Variants in RIMKLB observed in about 807,000 individuals in gnomAD.
RIMKLB encodes the protein ribosomal modification protein rimK like family member B.
RIMKLB carries 7 observed loss-of-function variants against 32.0 expected under a neutral mutation model. The ratio of observed to expected loss-of-function variants is 0.22; its 90% confidence interval spans 0.12 to 0.41. The LOEUF is 0.41. Among genes scored for constraint, RIMKLB ranks in the 10% least tolerant of loss-of-function variants. The pLI is 1.00. For missense variants in RIMKLB, 289 were observed against 498.7 expected, an observed-to-expected ratio of 0.58 and a Z score of 4.00; for synonymous variants, 172 against 185.1, an observed-to-expected ratio of 0.93 and a Z score of 0.57.
upstream of RIMKLB, among the ~76,000 whole-genome samples, chr12:8,681,448 T>C (rs1942407132): frequency 6.6e-6 from 1 of 152,244 alleles, no homozygotes; most frequent in Non-Finnish European, 1.5e-5. Flanking sequence ...TGTCTTTTGT[T>C]ATTCACAACA....
the RIMKLB span, among the ~76,000 whole-genome samples, chr12:8,676,435 G>A: frequency 9.9e-6 from 1 of 101,166 alleles, no homozygotes; most frequent in African/African-American, 4.0e-5. Context: ...GTCTTGCTCT[G>A]TTGCCCAGGC....
At chr12:8,769,906 TGACTC>T (rs1016774774) in intron 5 of RIMKLB, among the ~76,000 whole-genome samples, 2 of 152,224 alleles carry the variant, frequency 1.3e-5, no homozygotes, top group Non-Finnish European at 2.9e-5. Flanking sequence ...TCCACTTGAT[TGACTC>T]ATTTATTGAG....
intron 5 of RIMKLB, among the ~76,000 whole-genome samples, chr12:8,760,013 G>A (rs564519960): frequency 6.6e-6 from 1 of 152,138 alleles, no homozygotes; most frequent in Non-Finnish European, 1.5e-5. Context: ...TGTTACATAT[G>A]CATACGTGTG....
the RIMKLB span, among the ~76,000 whole-genome samples, chr12:8,673,172 A>G: frequency 2.0e-5 from 3 of 152,014 alleles, no homozygotes; most frequent in Non-Finnish European, 4.4e-5. Flanking sequence ...CTGAGCCACC[A>G]TGCCTGGCCT....
intron 3 of RIMKLB, 29 bp downstream of exon 3, chr12:8,750,121 T>G: frequency 7.3e-7 from 1 of 1,364,518 alleles, no homozygotes; most frequent in Non-Finnish European, 1.0e-6. Context: ...ATACATAGCC[T>G]GAATATTAAC....
At chr12:8,671,282 C>T in the RIMKLB span, among the ~76,000 whole-genome samples, 1 of 151,502 alleles carries the variant, frequency 6.6e-6, no homozygotes, top group African/African-American at 2.4e-5. Context: ...TGGAATTTCG[C>T]TCTTGTTGCC....
At chr12:8,747,760 T>TC (rs1948228428) in intron 2 of RIMKLB, among the ~76,000 whole-genome samples, 2 of 126,220 alleles carry the variant, frequency 1.6e-5, no homozygotes, top group South Asian at 4.4e-4. Context: ...TCTGGTACAA[T>TC]TTTTTTTTTT....
At chr12:8,687,770 G>A (rs1942617634) in intron 1 of RIMKLB, among the ~76,000 whole-genome samples, 1 of 148,552 alleles carries the variant, frequency 6.7e-6, no homozygotes, top group African/African-American at 2.5e-5. Flanking sequence ...GTTCCAGAAG[G>A]AGAATCTGTT....
the RIMKLB span, among the ~76,000 whole-genome samples, chr12:8,671,764 T>C: frequency 6.6e-6 from 1 of 152,034 alleles, no homozygotes; most frequent in Non-Finnish European, 1.5e-5. Flanking sequence ...AATACAAAAA[T>C]TAGCCAGGTG....
At chr12:8,727,236 T>C (rs1946102666) in intron 2 of RIMKLB, among the ~76,000 whole-genome samples, 1 of 151,410 alleles carries the variant, frequency 6.6e-6, no homozygotes, top group Non-Finnish European at 1.5e-5. Flanking sequence ...GTTGTTGTTG[T>C]TATTATTGTT....
intron 5 of RIMKLB, among the ~76,000 whole-genome samples, chr12:8,765,563 G>A (rs1021526396): frequency 2.6e-5 from 4 of 152,148 alleles, no homozygotes; most frequent in African/African-American, 9.7e-5. Flanking sequence ...ATAGCCATCA[G>A]GGTTATCTGA....
At chr12:8,765,435 C>CT (rs1949874541) in intron 5 of RIMKLB, among the ~76,000 whole-genome samples, 1 of 152,166 alleles carries the variant, frequency 6.6e-6, no homozygotes, top group Non-Finnish European at 1.5e-5. Flanking sequence ...TCACCAAACT[C>CT]TCGGGCTGCA....
the RIMKLB span, among the ~76,000 whole-genome samples, chr12:8,669,304 C>T: frequency 6.6e-6 from 1 of 152,092 alleles, no homozygotes; most frequent in Non-Finnish European, 1.5e-5. Flanking sequence ...ATGGGGAGAA[C>T]ACCAAGCCAT....
intron 5 of RIMKLB, among the ~76,000 whole-genome samples, chr12:8,768,625 G>A (rs1256468388): frequency 2.0e-5 from 3 of 152,160 alleles, no homozygotes; most frequent in African/African-American, 7.2e-5. Context: ...AGTAACATTG[G>A]AATAAAGGAT....
Position 8,773,623 on chromosome 12 carries a change from G to A in RIMKLB, c.1000G>A (p.Gly334Ser). Residue 334 changes from glycine (G) to serine (S), a missense_variant, in exon 6 of 6, where the codon GGT (glycine) becomes AGT (serine). Gly to Ser is a moderately conservative substitution (Grantham distance 56, BLOSUM62 0). This residue lies in a region of RIMKLB where 99 missense variants were observed against 133.9 expected (regional missense o/e 0.74). Transcript: ENST00000535829. ...TASETSEPEL[G>S]PPASTAVDNM... ...CAGTGAGACTAGTGAGCCGGAGCTG[G>A]GTCCCCCAGCCAGCACTGCTGTTGA... 6.2e-7 allele frequency: 1 copy of A among 1,614,232 alleles called. No homozygotes were observed. The highest frequency in any genetic ancestry group is 2.2e-5 in the East Asian group (1 of 44,884).
Position 8,775,111 on chromosome 12 carries a change from T to C in RIMKLB, c.*1327T>C. 1 of 985,810 alleles carries C rather than the reference T, an allele frequency of 1.0e-6. No individual in the cohort carries two copies. Among genetic ancestry groups the C allele is most frequent in the Non-Finnish European group, 1.2e-6 (1 of 829,896 alleles). The allele number at this position is 985,810 out of a possible 1,614,324, so 61.1% of individuals were successfully genotyped here. ...GTGTATATGTACGTTGTTTGTTTTT[T>C]TCCTTTTGTTTCTAGCCTGTTCAGT... On this transcript the variant is annotated 3_prime_UTR_variant, in exon 6 of 6. Coordinates refer to ENST00000535829, the MANE Select transcript of RIMKLB (RefSeq NM_001297776.2).
At chr12:8,682,817 A>G (rs1384981771) in intron 1 of RIMKLB, among the ~76,000 whole-genome samples, 2 of 149,704 alleles carry the variant, frequency 1.3e-5, no homozygotes, top group African/African-American at 4.9e-5. Context: ...AAAAAAAAAA[A>G]AAAGAAACGA....
intron 5 of RIMKLB, among the ~76,000 whole-genome samples, chr12:8,757,293 C>T (rs1479691993): frequency 1.3e-5 from 2 of 151,756 alleles, no homozygotes; most frequent in East Asian, 1.9e-4. Flanking sequence ...TTTGGGATGC[C>T]GAGGCAAGAG....
intron 5 of RIMKLB, among the ~76,000 whole-genome samples, chr12:8,758,138 A>T (rs752579876): frequency 6.6e-6 from 1 of 151,962 alleles, no homozygotes; most frequent in East Asian, 1.9e-4. Context: ...TGTTGAGATT[A>T]TGCATCTGTT....
Sources: allele counts gnomAD v4.1 joint callset (sites outside exome capture counted in the v4.1 genomes callset), GRCh38; gene constraint gnomAD v4.1.1; regional missense constraint gnomAD v4.1.1; transcripts MANE v1.5; gene names NCBI Gene and HGNC (gene_info 2026-07-23, HGNC 2026-07-21).